NT5DC4: variants seen among roughly 807,000 people sequenced by gnomAD.
NT5DC4 encodes 5'-nucleotidase domain-containing protein 4.
In NT5DC4, 44 loss-of-function variants were observed where a neutral mutation model predicts 26.6. The ratio of observed to expected loss-of-function variants is 1.65; its 90% CI spans 1.30 to 2.13. The LOEUF is 2.13. Among genes scored for constraint, NT5DC4 ranks in the 30% most tolerant of loss-of-function variants. The pLI, the probability that NT5DC4 is intolerant of heterozygous loss-of-function variation, is 0.00. For synonymous variants in NT5DC4, 157 were observed against 86.7 expected, an observed-to-expected ratio of 1.81 and a Z score of -4.51; for missense variants, 399 against 228.1, an observed-to-expected ratio of 1.75 and a Z score of -4.83.
chr2:112,736,389 TACA>T (rs1378400814), intron 16 of NT5DC4, among the ~76,000 whole-genome samples: 1 of 152,224 alleles, frequency 6.6e-6, no homozygotes, highest in African/African-American at 2.4e-5. Flanking sequence ...ATTTAAGATT[TACA>T]ACATGATGTT....
chr2:112,741,461 T>A (rs1291030756), downstream of NT5DC4, among the ~76,000 whole-genome samples: 4 of 152,164 alleles, frequency 2.6e-5, no homozygotes, highest in African/African-American at 9.7e-5. Flanking sequence ...GGGCAAAAAC[T>A]GTCTTGCATT....
chr2:112,736,485 G>C (rs187172850), intron 16 of NT5DC4: 44 of 152,228 alleles, frequency 2.9e-4, no homozygotes, highest in African/African-American at 9.2e-4. Flanking sequence ...GATAATAGCA[G>C]CTAAAATCTA....
At chr2:112,726,570 T>C in intron 14 of NT5DC4, 108 bp from the exon 15 acceptor site, 1 of 705,040 alleles carries the variant, frequency 1.4e-6, no homozygotes, top group Non-Finnish European at 2.6e-6. Flanking sequence ...CCCCACTGGA[T>C]GCCCGCACGG....
chr2:112,731,262 A>C (rs1002179537), intron 16 of NT5DC4: 3 of 152,018 alleles, frequency 2.0e-5, no homozygotes, highest in Non-Finnish European at 4.4e-5. Flanking sequence ...GGAGCCTGCA[A>C]ACACTTCTTT....
intron 7 of NT5DC4, 71 bp downstream of exon 7, chr2:112,723,245 CT>C (rs1406301215): frequency 1.4e-6 from 1 of 716,132 alleles, no homozygotes. Flanking sequence ...GCCTTCAGGC[CT>C]CCAGTCCCCA....
At position 112,722,541 on chromosome 2, in the gene NT5DC4, G is replaced by A. The variant is rs1176182257; in HGVS notation, c.421G>A (p.Asp141Asn). The change falls in exon 5 of 17, where the codon GAC becomes AAC. Residue 141 changes from aspartate to asparagine, a missense_variant. Physicochemically the swap from Asp to Asn is conservative, Grantham distance 23. Coordinates refer to ENST00000688554, the MANE Select transcript of NT5DC4 (RefSeq NM_001393655.1). ...SFYPSKFIQR[D>N]DLQCFYILNM... is the part of the protein sequence containing the mutation. ...CTACCCCAGCAAGTTCATTCAGAGG[G>A]ACGACCTGCAGTGTTTCTACATACT... 2.8e-6 allele frequency: 2 copies of A among 717,292 alleles called. No homozygotes were observed. Among genetic ancestry groups the A allele is most frequent in the Non-Finnish European group, 5.2e-6 (2 of 385,086 alleles). 44.4% of individuals were successfully genotyped at this position (717,292 alleles called of 1,614,324 possible). A position where few individuals can be genotyped will look rare whatever the true frequency, so the allele number is the denominator to read the frequency against.
Position 112,725,027 on chromosome 2 carries a change from C to A in NT5DC4, c.915+121C>A, listed in dbSNP as rs1403463426. 4 of 653,426 alleles carry A rather than the reference C, an allele frequency of 6.1e-6. No individual in the cohort carries two copies. In the East Asian group the frequency reaches 1.1e-4, roughly 18 times the overall value. 40.5% of individuals were successfully genotyped at this position (653,426 alleles called of 1,614,324 possible). A position where few individuals can be genotyped will look rare whatever the true frequency, so the allele number is the denominator to read the frequency against. On this transcript the variant is annotated intron_variant, in intron 11 of 16. Transcript: ENST00000688554. ...TGTCTGTCCCTGGAGGCAGGGAACC[C>A]GAGGCCGCCTTCAGCGCCCTCTGCT...
At chr2:112,734,520 A>T (rs1454336760) in intron 16 of NT5DC4, among the ~76,000 whole-genome samples, 1 of 152,208 alleles carries the variant, frequency 6.6e-6, no homozygotes, top group African/African-American at 2.4e-5. Context: ...AAAGTCTGGG[A>T]AATGATGCCT....
downstream of NT5DC4, among the ~76,000 whole-genome samples, chr2:112,740,013 G>A (rs1048405059): frequency 3.9e-5 from 6 of 152,082 alleles, no homozygotes; most frequent in African/African-American, 1.4e-4. Flanking sequence ...GGAGTGCAAT[G>A]GTGCAATCTT....
chr2:112,720,209 G>C (rs1031957934), upstream of NT5DC4, among the ~76,000 whole-genome samples: 7 of 97,094 alleles, frequency 7.2e-5, 1 homozygote, highest in South Asian at 2.9e-3. Context: ...CCTGCCTCAG[G>C]CTCCCAAGAG....
At chr2:112,721,453 G>A in intron 1 of NT5DC4, 2 of 717,512 alleles carry the variant, frequency 2.8e-6, no homozygotes, top group Non-Finnish European at 5.2e-6. Context: ...CTCTGAATTT[G>A]GACACTGGGG....
At chr2:112,729,767 C>T (rs1678259571) in intron 16 of NT5DC4, 63 bp downstream of exon 16, 1 of 716,206 alleles carries the variant, frequency 1.4e-6, no homozygotes, top group Non-Finnish European at 2.6e-6. Flanking sequence ...TAGTGGTTCC[C>T]AGTGGGGTTG....
At chr2:112,742,758 C>T, downstream of NT5DC4, 1 of 1,608,416 alleles carries the variant, frequency 6.2e-7, no homozygotes, top group South Asian at 1.1e-5. Context: ...CTTTCCGCAA[C>T]TCTTGTATTG....
At chr2:112,736,774 C>A (rs1205126133) in intron 16 of NT5DC4, 2 of 152,326 alleles carry the variant, frequency 1.3e-5, no homozygotes, top group South Asian at 2.1e-4. Flanking sequence ...AGAACTCCCT[C>A]TTTTCCAAGG....
chr2:112,726,853 T>C, intron 15 of NT5DC4, 115 bp downstream of exon 15: 1 of 695,986 alleles, frequency 1.4e-6, no homozygotes, highest in Non-Finnish European at 2.7e-6. Flanking sequence ...GTTACCCCAT[T>C]CTCCTCAGCC....
At chr2:112,719,942 CTTTCTTTCTT>C (rs1435840317), upstream of NT5DC4, among the ~76,000 whole-genome samples, 3 of 96,526 alleles carry the variant, frequency 3.1e-5, no homozygotes, top group Admixed American at 1.1e-4. Context: ...TTCTTTCTTT[CTTTCTTTCTT>C]TCTTTCTTTC....
At position 112,721,076 on chromosome 2, in the gene NT5DC4, G is replaced by A. The variant is rs1676820852; in HGVS notation, c.-4G>A. On this transcript the variant is annotated 5_prime_UTR_variant, in exon 1 of 17. Transcript: ENST00000688554. The stretch of plus-strand genomic sequence containing the variant: ...CACTTGCCTCCTCCTCACTCTGGGT[G>A]ACGATGGCCAGTGTAGACTGGAGAG... 6.6e-6 allele frequency among the ~76,000 whole-genome samples: 1 copy of A among 152,174 alleles called. No individual in the cohort carries two copies. Among genetic ancestry groups the A allele is most frequent in the Admixed American group, 6.5e-5 (1 of 15,284 alleles).
chr2:112,719,924 C>CTTTCTT (rs758520099), upstream of NT5DC4, among the ~76,000 whole-genome samples: 5 of 69,124 alleles, frequency 7.2e-5, no homozygotes, highest in African/African-American at 3.3e-4. Flanking sequence ...TTCTTTCTTT[C>CTTTCTT]TCTTTCTTTC....
At chr2:112,727,959 C>T (rs1438954968) in intron 15 of NT5DC4, among the ~76,000 whole-genome samples, 4 of 152,258 alleles carry the variant, frequency 2.6e-5, no homozygotes, top group Admixed American at 1.3e-4. Flanking sequence ...TCAGCTCTCT[C>T]GGGCGGCCCC....
Sources: gnomAD v4.1 joint callset for allele counts (sites outside exome capture counted in the v4.1 genomes callset) on GRCh38, gnomAD v4.1.1 for gene constraint, MANE v1.5 for transcripts, NCBI Gene and HGNC (gene_info 2026-07-23, HGNC 2026-07-21) for gene names.